Variants in MLLT3 observed in about 807,000 individuals in gnomAD.
MLLT3 encodes the protein MLLT3 super elongation complex subunit.
A neutral mutation model predicts 53.2 loss-of-function variants in MLLT3; 4 were observed. The ratio of observed to expected loss-of-function variants is 0.08; its 90% confidence interval spans 0.04 to 0.17. The LOEUF (loss-of-function observed/expected upper bound fraction) is 0.17, where lower values mean the gene tolerates loss of function less well. MLLT3 is among the 10% of genes least tolerant of loss of function. MLLT3 has a pLI of 1.00. For missense variants in MLLT3, 569 were observed against 684.0 expected, an observed-to-expected ratio of 0.83 and a Z score of 1.87; for synonymous variants, 283 against 230.6, an observed-to-expected ratio of 1.23 and a Z score of -2.06.
intron 2 of MLLT3, among the ~76,000 whole-genome samples, chr9:20,566,046 A>T (rs1411599673): frequency 1.4e-4 from 15 of 107,986 alleles, no homozygotes; most frequent in African/African-American, 3.4e-4. Context: ...ATTTATTTAT[A>T]TATATATTTA....
chr9:20,554,886 A>AT (rs1819015156), intron 2 of MLLT3, among the ~76,000 whole-genome samples: 1 of 152,376 alleles, frequency 6.6e-6, no homozygotes, highest in African/African-American at 2.4e-5. Context: ...GAAAAACTAA[A>AT]TTAACTACTT....
intron 4 of MLLT3, among the ~76,000 whole-genome samples, chr9:20,438,591 T>A (rs930381331): frequency 6.6e-6 from 1 of 152,084 alleles, no homozygotes; most frequent in East Asian, 1.9e-4. Context: ...GCTAATTTTA[T>A]TTTATTTTAC....
intron 5 of MLLT3, among the ~76,000 whole-genome samples, chr9:20,391,426 T>G (rs573797747): frequency 2.7e-4 from 41 of 152,280 alleles, no homozygotes; most frequent in African/African-American, 9.9e-4. Context: ...TTCCCATATT[T>G]ATTTTGTAAG....
At chr9:20,459,426 T>C (rs564784888) in intron 2 of MLLT3, among the ~76,000 whole-genome samples, 2 of 152,158 alleles carry the variant, frequency 1.3e-5, no homozygotes, top group African/African-American at 2.4e-5. Flanking sequence ...ACTAAACGCA[T>C]TGAGCAGCCC....
rs77664969 is a variant in MLLT3 at position 20,364,656 on chromosome 9, C to G, written c.1201+1013G>C. Among the ~76,000 whole-genome samples, 1,139 of 152,274 alleles carry G rather than the reference C, an allele frequency of 7.5e-3. 10 individuals are homozygous for G. The highest frequency in any genetic ancestry group is 0.024 in the African/African-American group (983 of 41,532). ...TCAGTGAAACAAGACCTCTGAATAG[C>G]CAAAACGATTACTGTCTTTTATTTT... On this transcript the variant is annotated intron_variant, in intron 6 of 10. Coordinates refer to ENST00000380338, the MANE Select transcript of MLLT3 (RefSeq NM_004529.4).
At chr9:20,352,526 G>T (rs1821053027) in intron 10 of MLLT3, among the ~76,000 whole-genome samples, 1 of 152,088 alleles carries the variant, frequency 6.6e-6, no homozygotes, top group Non-Finnish European at 1.5e-5. Flanking sequence ...GAAACTGCAA[G>T]AAATGCAACT....
chr9:20,595,139 T>C (rs1820225751), intron 2 of MLLT3, among the ~76,000 whole-genome samples: 1 of 152,088 alleles, frequency 6.6e-6, no homozygotes, highest in African/African-American at 2.4e-5. Context: ...GGAGGACTAT[T>C]TGAGCCAAGG....
chr9:20,401,988 T>TA (rs753144744), intron 5 of MLLT3, among the ~76,000 whole-genome samples: 1 of 152,078 alleles, frequency 6.6e-6, no homozygotes, highest in Non-Finnish European at 1.5e-5. Flanking sequence ...GAAGAAGATG[T>TA]AAAAAATATA....
At chr9:20,593,813 A>G (rs568085390) in intron 2 of MLLT3, among the ~76,000 whole-genome samples, 1 of 152,364 alleles carries the variant, frequency 6.6e-6, no homozygotes, top group East Asian at 1.9e-4. Flanking sequence ...CAACAATTGC[A>G]TAATTCATAG....
At chr9:20,602,341 T>A (rs186419956) in intron 2 of MLLT3, among the ~76,000 whole-genome samples, 3 of 152,284 alleles carry the variant, frequency 2.0e-5, no homozygotes, top group Admixed American at 2.0e-4. Flanking sequence ...CTATACAGCA[T>A]AGTATTTATT....
At chr9:20,519,473 A>G (rs905275513) in intron 2 of MLLT3, among the ~76,000 whole-genome samples, 3 of 152,308 alleles carry the variant, frequency 2.0e-5, no homozygotes, top group Admixed American at 2.0e-4. Context: ...CCATATTAAG[A>G]GCCATATATA....
intron 8 of MLLT3, among the ~76,000 whole-genome samples, chr9:20,357,855 A>T (rs116733767): frequency 6.6e-6 from 1 of 152,234 alleles, no homozygotes; most frequent in African/African-American, 2.4e-5. Flanking sequence ...GAAACTCAAG[A>T]GTGTTCCCAT....
rs192042846 is a variant in MLLT3 at position 20,436,638 on chromosome 9, G to A, written c.420+11485C>T. Among the ~76,000 whole-genome samples the A allele has an allele frequency of 1.6e-4, 25 of 152,148 alleles. 1 individual carries two copies. In the East Asian group the frequency reaches 4.6e-3, roughly 28 times the overall value. ...AAAGCTAATATCACTATGTGTAACC[G>A]TAGAAAGAATATGCAAGAACAATGA... is the stretch of plus-strand genomic sequence containing the variant. On this transcript the variant is annotated intron_variant, in intron 4 of 10. Transcript: ENST00000380338.
intron 2 of MLLT3, among the ~76,000 whole-genome samples, chr9:20,486,071 T>C (rs538365481): frequency 1.2e-4 from 18 of 152,286 alleles, no homozygotes; most frequent in Non-Finnish European, 2.4e-4. Flanking sequence ...ACACACGTTA[T>C]AGTCAAGTCA....
At chr9:20,447,681 G>A (rs1823738464) in intron 4 of MLLT3, among the ~76,000 whole-genome samples, 1 of 152,156 alleles carries the variant, frequency 6.6e-6, no homozygotes, top group Admixed American at 6.5e-5. Context: ...ACCCAAACAT[G>A]TAGTATGAGT....
rs1433302653 is a variant in MLLT3 at position 20,620,390 on chromosome 9, G to A, written c.193+264C>T. ...CACAGAACCCGCGGCTAACCCCAGA[G>A]GACTGGTGAGGGCTGGCTTGGGATG... On this transcript the variant is annotated intron_variant, in intron 2 of 10. Coordinates refer to ENST00000380338, the MANE Select transcript of MLLT3 (RefSeq NM_004529.4). The surrounding 1 kb of genome is among the most constrained non-coding windows in gnomAD (Gnocchi z 6.1). 1.3e-5 allele frequency among the ~76,000 whole-genome samples: 2 copies of A among 151,826 alleles called. No homozygotes were observed. The highest frequency in any genetic ancestry group is 2.9e-5 in the Non-Finnish European group (2 of 67,960).
intron 2 of MLLT3, among the ~76,000 whole-genome samples, chr9:20,582,302 C>A (rs190139876): frequency 7.0e-4 from 106 of 152,178 alleles, no homozygotes; most frequent in African/African-American, 2.3e-3. Flanking sequence ...TGGGTTTTGA[C>A]AAATGTATAA....
intron 2 of MLLT3, among the ~76,000 whole-genome samples, chr9:20,554,871 C>T (rs1819014620): frequency 6.6e-6 from 1 of 152,150 alleles, no homozygotes; most frequent in Admixed American, 6.6e-5. Context: ...AAAATGACTA[C>T]TTTTGAAAAA....
At chr9:20,554,491 C>T (rs911659443) in intron 2 of MLLT3, among the ~76,000 whole-genome samples, 1 of 152,074 alleles carries the variant, frequency 6.6e-6, no homozygotes, top group Admixed American at 6.6e-5. Flanking sequence ...ACAAAATATA[C>T]TCACAGAATG....
Sources: allele counts gnomAD v4.1 joint callset (sites outside exome capture counted in the v4.1 genomes callset), GRCh38; gene constraint gnomAD v4.1.1; non-coding constraint Gnocchi (gnomAD v3.1); transcripts MANE v1.5; gene names NCBI Gene and HGNC (gene_info 2026-07-23, HGNC 2026-07-21).